The following PARD3 variants were observed in gnomAD, a reference collection of about 807,000 sequenced individuals.
PARD3 encodes the protein partitioning defective 3 homolog.
A neutral mutation model predicts 155.4 loss-of-function variants in PARD3; 75 were observed. The observed-to-expected ratio is 0.48, with a 90% CI of 0.40 to 0.58. The LOEUF (loss-of-function observed/expected upper bound fraction) is 0.58, where lower values mean the gene tolerates loss of function less well. Ranked by LOEUF, PARD3 falls within the 20% of genes least tolerant of loss-of-function variation. PARD3 has a pLI of 0.00. For missense variants in PARD3, 1,642 were observed against 1,721.7 expected (o/e 0.95, Z 0.82); for synonymous variants, 576 against 610.5 (o/e 0.94, Z 0.83).
At chr10:34,443,505 G>A (rs1209873656) in intron 5 of PARD3, among the ~76,000 whole-genome samples, 1 of 152,184 alleles carries the variant, frequency 6.6e-6, no homozygotes, top group Non-Finnish European at 1.5e-5. Context: ...AATCATTGTG[G>A]AAGGCAGGGA....
intron 22 of PARD3, among the ~76,000 whole-genome samples, chr10:34,200,982 A>G (rs768342737): frequency 1.3e-5 from 2 of 152,070 alleles, no homozygotes; most frequent in African/African-American, 2.4e-5. Context: ...CCTCTCTCCA[A>G]TGTATGTGTG....
At chr10:34,344,656 G>GAATC (rs917928986) in intron 15 of PARD3, 9 of 985,240 alleles carry the variant, frequency 9.1e-6, no homozygotes, top group Non-Finnish European at 1.1e-5. Context: ...TTCAAAGGAA[G>GAATC]AATCCTATGT....
At chr10:34,266,360 TG>T (rs1179192756) in intron 22 of PARD3, among the ~76,000 whole-genome samples, 2 of 152,222 alleles carry the variant, frequency 1.3e-5, no homozygotes, top group African/African-American at 4.8e-5. Context: ...TAAAGGCAGA[TG>T]AAGAAGTGCT....
At chr10:34,390,171 G>A (rs943367677) in intron 7 of PARD3, among the ~76,000 whole-genome samples, 2 of 152,098 alleles carry the variant, frequency 1.3e-5, no homozygotes, top group Non-Finnish European at 2.9e-5. Context: ...TTTATTCTCA[G>A]CTAGTTTGTG....
intron 4 of PARD3, among the ~76,000 whole-genome samples, chr10:34,457,878 G>T (rs2077420060): frequency 6.6e-6 from 1 of 152,054 alleles, no homozygotes; most frequent in Non-Finnish European, 1.5e-5. Flanking sequence ...GGAATTATAG[G>T]TATGCACCAC....
intron 2 of PARD3, among the ~76,000 whole-genome samples, chr10:34,616,071 C>A (rs565309856): frequency 6.6e-6 from 1 of 152,280 alleles, no homozygotes; most frequent in East Asian, 1.9e-4. Context: ...GTAATTCTAG[C>A]ACTTTAGGAG....
At chr10:34,414,242 G>T (rs1219073837) in intron 5 of PARD3, among the ~76,000 whole-genome samples, 1 of 151,722 alleles carries the variant, frequency 6.6e-6, no homozygotes, top group Non-Finnish European at 1.5e-5. Context: ...AAGGGAGGGG[G>T]GAGAAACAAA....
intron 1 of PARD3, among the ~76,000 whole-genome samples, chr10:34,718,249 A>C (rs1349889124): frequency 6.6e-6 from 1 of 152,202 alleles, no homozygotes; most frequent in African/African-American, 2.4e-5. Flanking sequence ...CTGCCAACCA[A>C]GCAGTACATG....
intron 22 of PARD3, among the ~76,000 whole-genome samples, chr10:34,146,288 A>AT (rs950498290): frequency 6.6e-6 from 1 of 152,174 alleles, no homozygotes; most frequent in East Asian, 1.9e-4. Flanking sequence ...ATGCTTATAT[A>AT]TTTTTTTAAG....
intron 22 of PARD3, among the ~76,000 whole-genome samples, chr10:34,236,484 T>A (rs1392714102): frequency 6.6e-6 from 1 of 152,200 alleles, no homozygotes; most frequent in Non-Finnish European, 1.5e-5. Context: ...AATGAGTATA[T>A]GACAAATAAC....
chr10:34,618,952 A>G (rs1255156422), intron 2 of PARD3, among the ~76,000 whole-genome samples: 1 of 152,026 alleles, frequency 6.6e-6, no homozygotes, highest in East Asian at 1.9e-4. Context: ...TTGTCCTCAG[A>G]GCACACCTCG....
At chr10:34,216,714 G>A (rs1378396847) in intron 22 of PARD3, among the ~76,000 whole-genome samples, 5 of 152,226 alleles carry the variant, frequency 3.3e-5, no homozygotes, top group Admixed American at 6.5e-5. Context: ...TCAGGCTCTT[G>A]AATGTTTATT....
chr10:34,345,706 A>C, intron 15 of PARD3: 1 of 985,378 alleles, frequency 1.0e-6, no homozygotes, highest in African/African-American at 1.7e-5. Flanking sequence ...AAACGGTGTG[A>C]TTTGTCAAGT....
chr10:34,641,748 G>A (rs1273221529), intron 2 of PARD3, among the ~76,000 whole-genome samples: 1 of 152,194 alleles, frequency 6.6e-6, no homozygotes, highest in Admixed American at 6.5e-5. Flanking sequence ...TCGTGAAATG[G>A]GCTGATGACC....
rs555147860 is a variant in PARD3 at position 34,233,218 on chromosome 10, T to G, written c.3419+36439A>C. Among the ~76,000 whole-genome samples the G allele has an allele frequency of 4.5e-4, 68 of 152,034 alleles. No individual in the cohort carries two copies. The South Asian group carries it at 0.014, about 31-fold the overall frequency. ...TCCATGGACATCATTCTGTTACATC[T>G]TAAGCATCTCTTAGGTCCGCTAGAA... On this transcript the variant is annotated intron_variant, in intron 22 of 24. Transcript: ENST00000374788.
chr10:34,152,837 T>G (rs1948840595), intron 22 of PARD3, among the ~76,000 whole-genome samples: 1 of 152,186 alleles, frequency 6.6e-6, no homozygotes, highest in Admixed American at 6.5e-5. Context: ...GATGTAGGTG[T>G]TAATTATATG....
At chr10:34,764,206 T>C (rs940831742) in intron 1 of PARD3, among the ~76,000 whole-genome samples, 4 of 152,198 alleles carry the variant, frequency 2.6e-5, no homozygotes, top group African/African-American at 9.7e-5. Flanking sequence ...AGAGTTTGTC[T>C]GCAAGACCTT....
chr10:34,782,634 A>G (rs189526052), intron 1 of PARD3, among the ~76,000 whole-genome samples: 2 of 152,266 alleles, frequency 1.3e-5, no homozygotes, highest in Admixed American at 1.3e-4. Flanking sequence ...CCAGCAACTT[A>G]CGGAGATTAA....
chr10:34,426,997 G>T (rs563331898), intron 5 of PARD3, among the ~76,000 whole-genome samples: 1 of 152,294 alleles, frequency 6.6e-6, no homozygotes, highest in Admixed American at 6.5e-5. Context: ...ATACTCTTGT[G>T]ATTTCCTATG....
Sources: allele counts gnomAD v4.1 joint callset (sites outside exome capture counted in the v4.1 genomes callset), GRCh38; gene constraint gnomAD v4.1.1; transcripts MANE v1.5; gene names NCBI Gene and HGNC (gene_info 2026-07-23, HGNC 2026-07-21).